PTPRM: variants seen among roughly 807,000 people sequenced by gnomAD.
The protein encoded by PTPRM is receptor-type tyrosine-protein phosphatase mu.
A neutral mutation model predicts 186.7 loss-of-function variants in PTPRM; 47 were observed. That is an observed-to-expected ratio of 0.25 (90% CI 0.20 to 0.32). The LOEUF is 0.32. Among genes scored for constraint, PTPRM ranks in the 10% least tolerant of loss-of-function variants. The pLI is 1.00. For synonymous variants in PTPRM, 668 were observed against 674.9 expected, an observed-to-expected ratio of 0.99 and a Z score of 0.16; for missense variants, 1,494 against 1,865.0, an observed-to-expected ratio of 0.80 and a Z score of 3.66.
chr18:7,902,772 T>C (rs1172811887), intron 3 of PTPRM, among the ~76,000 whole-genome samples: 3 of 151,742 alleles, frequency 2.0e-5, no homozygotes, highest in Non-Finnish European at 4.4e-5. Context: ...TGTGACGCGA[T>C]GGATGAAAAA....
intron 8 of PTPRM, among the ~76,000 whole-genome samples, chr18:8,074,889 T>C (rs1470827456): frequency 6.6e-6 from 1 of 152,342 alleles, no homozygotes; most frequent in African/African-American, 2.4e-5. Context: ...AAGGTTTTCA[T>C]TGTGATAATG....
At position 8,067,368 on chromosome 18, in the gene PTPRM, T is replaced by TAA. The variant is rs1312946589; in HGVS notation, c.1133-2318_1133-2317insAA. On this transcript the variant is annotated intron_variant, in intron 7 of 32. Coordinates refer to ENST00000580170, the MANE Select transcript of PTPRM (RefSeq NM_001105244.2). ...CTAGTCTAGGGAAAAAAACCTTCAA[T>TAA]GTTATTTCTAAATAATTTATTTATG... Among the ~76,000 whole-genome samples, 277 of 152,332 alleles carry TAA rather than the reference T, an allele frequency of 1.8e-3. 2 individuals carry two copies. Among genetic ancestry groups the TAA allele is most frequent in the African/African-American group, 5.8e-3 (241 of 41,582 alleles).
intron 1 of PTPRM, among the ~76,000 whole-genome samples, chr18:7,583,074 A>G (rs2143525365): frequency 6.6e-6 from 1 of 152,280 alleles, no homozygotes; most frequent in Admixed American, 6.5e-5. Flanking sequence ...CCCTATGACT[A>G]CAGAATAGCC....
intron 1 of PTPRM, among the ~76,000 whole-genome samples, chr18:7,764,359 T>C (rs940663752): frequency 2.0e-5 from 3 of 152,206 alleles, no homozygotes; most frequent in African/African-American, 7.2e-5. Flanking sequence ...TGATTATAAT[T>C]TATACATAAA....
chr18:7,774,911 G>T (rs942504269), intron 2 of PTPRM, among the ~76,000 whole-genome samples: 6 of 152,122 alleles, frequency 3.9e-5, no homozygotes, highest in African/African-American at 1.2e-4. Context: ...TATTGCAATG[G>T]ACCCTTTTTC....
intron 19 of PTPRM, among the ~76,000 whole-genome samples, chr18:8,265,028 A>G (rs2147542691): frequency 6.6e-6 from 1 of 152,318 alleles, no homozygotes; most frequent in Non-Finnish European, 1.5e-5. Context: ...ACCTATGGAA[A>G]TAACCTTGTG....
chr18:8,204,556 C>T (rs1465178156), intron 14 of PTPRM, among the ~76,000 whole-genome samples: 1 of 151,956 alleles, frequency 6.6e-6, no homozygotes. Flanking sequence ...AAACTGATTC[C>T]ACCTTGAAGG....
At chr18:8,309,450 TA>T (rs2095251533) in intron 20 of PTPRM, among the ~76,000 whole-genome samples, 1 of 152,274 alleles carries the variant, frequency 6.6e-6, no homozygotes, top group African/African-American at 2.4e-5. Context: ...ATATTTATAC[TA>T]TTATTTTCAT....
At chr18:7,636,450 A>G (rs1220808071) in intron 1 of PTPRM, among the ~76,000 whole-genome samples, 1 of 152,210 alleles carries the variant, frequency 6.6e-6, no homozygotes, top group African/African-American at 2.4e-5. Context: ...AGTAAACCCC[A>G]GTCTTCCTTG....
At chr18:7,675,222 AT>A (rs911640334) in intron 1 of PTPRM, among the ~76,000 whole-genome samples, 1 of 152,170 alleles carries the variant, frequency 6.6e-6, no homozygotes, top group African/African-American at 2.4e-5. Context: ...TAGATCAGAG[AT>A]TTTTGTTTTC....
At chr18:7,982,911 T>C (rs1047709546) in intron 7 of PTPRM, among the ~76,000 whole-genome samples, 1 of 152,138 alleles carries the variant, frequency 6.6e-6, no homozygotes, top group African/African-American at 2.4e-5. Context: ...CTACAAGGAT[T>C]GTGAGGCCTC....
Position 7,857,964 on chromosome 18 carries a change from A to T in PTPRM, c.197-30142A>T, listed in dbSNP as rs148874361. On this transcript the variant is annotated intron_variant, in intron 2 of 32. Transcript: ENST00000580170. ...TTTAATGGCTTTCTTCTTAAGTGCT[A>T]TTAGAAGAGAGAGAGGGCAGATCTT... Among the ~76,000 whole-genome samples the T allele has an allele frequency of 3.5e-3, 526 of 152,338 alleles. 5 individuals are homozygous for T. The highest frequency in any genetic ancestry group is 0.012 in the African/African-American group (502 of 41,582).
intron 1 of PTPRM, among the ~76,000 whole-genome samples, chr18:7,610,831 T>C (rs776405753): frequency 9.8e-5 from 15 of 152,350 alleles, no homozygotes; most frequent in Non-Finnish European, 2.1e-4. Context: ...TAGAGTGTAC[T>C]GCTTCTTCTA....
chr18:7,934,817 T>A (rs1316409241), intron 5 of PTPRM, among the ~76,000 whole-genome samples: 1 of 152,198 alleles, frequency 6.6e-6, no homozygotes, highest in Non-Finnish European at 1.5e-5. Context: ...AGGCCGTCTA[T>A]GTTGTATCGT....
chr18:7,660,347 T>A (rs1940349), intron 1 of PTPRM, among the ~76,000 whole-genome samples: 36 of 142,196 alleles, frequency 2.5e-4, no homozygotes, highest in Admixed American at 2.7e-4. Context: ...AAAAAAAAAA[T>A]AATAAAATAA....
intron 32 of PTPRM, among the ~76,000 whole-genome samples, chr18:8,395,889 T>C (rs1049086350): frequency 6.6e-5 from 10 of 152,246 alleles, no homozygotes; most frequent in African/African-American, 2.4e-4. Context: ...GTTTTAGTTT[T>C]GTAAACTAGG....
intron 2 of PTPRM, among the ~76,000 whole-genome samples, chr18:7,805,938 A>G (rs2044211868): frequency 6.6e-6 from 1 of 152,222 alleles, no homozygotes; most frequent in Non-Finnish European, 1.5e-5. Context: ...AAAATCAAGA[A>G]AGGGAATTCT....
chr18:7,746,243 GA>G (rs35420211), intron 1 of PTPRM, among the ~76,000 whole-genome samples: 2 of 151,420 alleles, frequency 1.3e-5, no homozygotes, highest in African/African-American at 4.9e-5. Flanking sequence ...AGAACAGCCA[GA>G]AAAAAAAGAC....
At chr18:7,686,989 T>A in intron 1 of PTPRM, among the ~76,000 whole-genome samples, 1 of 152,200 alleles carries the variant, frequency 6.6e-6, no homozygotes, top group Non-Finnish European at 1.5e-5. Flanking sequence ...AAGACAAATA[T>A]AAGCTGTCGT....
Sources: gnomAD v4.1 joint callset for allele counts (sites outside exome capture counted in the v4.1 genomes callset) on GRCh38, gnomAD v4.1.1 for gene constraint, MANE v1.5 for transcripts, NCBI Gene and HGNC (gene_info 2026-07-23, HGNC 2026-07-21) for gene names.